Variants in CAMK2D observed in about 807,000 individuals in gnomAD.
CAMK2D encodes the protein calcium/calmodulin dependent protein kinase II delta.
CAMK2D carries 37 observed loss-of-function variants against 84.0 expected under a neutral mutation model. That is an observed-to-expected ratio of 0.44 (90% confidence interval 0.34 to 0.58). The LOEUF is 0.58. Among genes scored for constraint, CAMK2D ranks in the 20% least tolerant of loss-of-function variants. The pLI, the probability that CAMK2D is intolerant of heterozygous loss-of-function variation, is 0.02. For missense variants in CAMK2D, 448 were observed against 652.5 expected (o/e 0.69, Z 3.41); for synonymous variants, 202 against 212.5 (o/e 0.95, Z 0.43).
intron 2 of CAMK2D, among the ~76,000 whole-genome samples, chr4:113,742,851 A>G (rs2099596096): frequency 6.6e-6 from 1 of 152,194 alleles, no homozygotes; most frequent in South Asian, 2.1e-4. Flanking sequence ...CATAGCATGT[A>G]CTACCTATTT....
At chr4:113,548,671 G>A in intron 5 of CAMK2D, 1 of 1,560,204 alleles carries the variant, frequency 6.4e-7, no homozygotes, top group Non-Finnish European at 8.8e-7. Flanking sequence ...AGGTCCCTGT[G>A]AACTATGCCA....
chr4:113,641,827 G>C (rs2099133303), intron 3 of CAMK2D, among the ~76,000 whole-genome samples: 1 of 151,848 alleles, frequency 6.6e-6, no homozygotes, highest in Non-Finnish European at 1.5e-5. Flanking sequence ...GACCAACATG[G>C]AGAAACCCCG....
At chr4:113,503,096 C>G (rs748156462) in intron 14 of CAMK2D, 119 bp from the exon 15 acceptor site, 1 of 779,234 alleles carries the variant, frequency 1.3e-6, no homozygotes, top group Non-Finnish European at 2.3e-6. Context: ...AGAGCTAAAG[C>G]GATGTTAACT....
At chr4:113,666,822 T>C (rs140037344) in intron 2 of CAMK2D, among the ~76,000 whole-genome samples, 225 of 152,314 alleles carry the variant, frequency 1.5e-3, no homozygotes, top group African/African-American at 4.9e-3. Flanking sequence ...TTTACCTTGC[T>C]GGCCTTTCGG....
intron 13 of CAMK2D, 80 bp from the exon 14 acceptor site, chr4:113,505,115 T>G: frequency 1.4e-6 from 1 of 710,366 alleles, no homozygotes; most frequent in Non-Finnish European, 2.3e-6. Flanking sequence ...CATGTCTACA[T>G]AGAGATGTAG....
chr4:113,689,500 C>T (rs142120190), intron 2 of CAMK2D, among the ~76,000 whole-genome samples: 22 of 152,288 alleles, frequency 1.4e-4, no homozygotes, highest in East Asian at 1.2e-3. Context: ...GTCTCTCCAA[C>T]CTTATTTTAT....
rs544549361 is a variant in CAMK2D at position 113,587,513 on chromosome 4, G to A, written c.275+21639C>T. ...CGTAACACTCAAAAGGAAGAGCAGG[G>A]TCTTTATTCTTAATTATTTTTTGCT... On this transcript the variant is annotated intron_variant, in intron 4 of 20. Coordinates refer to ENST00000511664, the MANE Select transcript of CAMK2D (RefSeq NM_001321571.2). Among the ~76,000 whole-genome samples, 3 of 152,166 alleles carry A rather than the reference G, an allele frequency of 2.0e-5. No homozygotes were observed. The South Asian group carries it at 6.2e-4, about 32-fold the overall frequency.
In CAMK2D at chr4:113,531,314, T is replaced by G. The variant is rs772568362; in HGVS notation, c.518-15A>C. On this transcript the variant is annotated splice_polypyrimidine_tract_variant and intron_variant, in intron 7 of 20. Coordinates refer to ENST00000511664, the MANE Select transcript of CAMK2D (RefSeq NM_001321571.2). The stretch of plus-strand genomic sequence containing the variant: ...GCCAGCAAAACCTAGGGAAAAGAGA[T>G]GTTAATGAGTCACAGTTGATTTGAC... 5 of 1,333,094 alleles carry G rather than the reference T, an allele frequency of 3.8e-6. No homozygotes were observed. Among genetic ancestry groups the G allele is most frequent in the South Asian group, 3.5e-5 (3 of 85,350 alleles). 82.6% of individuals were successfully genotyped at this position (1,333,094 alleles called of 1,614,324 possible).
chr4:113,487,074 A>G (rs79982835), intron 16 of CAMK2D, among the ~76,000 whole-genome samples: 10,330 of 152,288 alleles, frequency 0.068, 615 homozygotes, highest in East Asian at 0.21. Context: ...CTTTATTTCT[A>G]CACAAGCTCT....
chr4:113,492,698 G>T (rs57503475), intron 16 of CAMK2D, among the ~76,000 whole-genome samples: 5,780 of 148,664 alleles, frequency 0.039, 357 homozygotes, highest in African/African-American at 0.14. Flanking sequence ...GGTTATCCTT[G>T]TTGACTTTCT....
intron 2 of CAMK2D, among the ~76,000 whole-genome samples, chr4:113,712,304 G>T (rs2099495848): frequency 1.3e-5 from 2 of 152,046 alleles, no homozygotes; most frequent in Admixed American, 6.6e-5. Context: ...GACTATGGTT[G>T]TTTACTGTTA....
chr4:113,665,727 G>A (rs1330237872), intron 2 of CAMK2D, among the ~76,000 whole-genome samples: 4 of 152,126 alleles, frequency 2.6e-5, no homozygotes, highest in Admixed American at 2.0e-4. Context: ...TTCCTTTGAA[G>A]CTCAAGTCCA....
At chr4:113,594,304 A>AT (rs2154253845) in intron 4 of CAMK2D, among the ~76,000 whole-genome samples, 1 of 152,304 alleles carries the variant, frequency 6.6e-6, no homozygotes, top group African/African-American at 2.4e-5. Flanking sequence ...TTACAATTCA[A>AT]CATGAGATCT....
At chr4:113,734,320 C>T (rs548349104) in intron 2 of CAMK2D, among the ~76,000 whole-genome samples, 1 of 151,978 alleles carries the variant, frequency 6.6e-6, no homozygotes, top group Non-Finnish European at 1.5e-5. Flanking sequence ...TGAAAAATCT[C>T]GTGATGATTT....
intron 2 of CAMK2D, among the ~76,000 whole-genome samples, chr4:113,725,935 G>A (rs1381926661): frequency 1.3e-5 from 2 of 152,138 alleles, no homozygotes; most frequent in Non-Finnish European, 2.9e-5. Context: ...TAACATTTGA[G>A]GAAAGTGGTG....
intron 3 of CAMK2D, among the ~76,000 whole-genome samples, chr4:113,610,456 C>G (rs973998647): frequency 6.6e-6 from 1 of 152,180 alleles, no homozygotes; most frequent in Non-Finnish European, 1.5e-5. Flanking sequence ...ATCACACAAA[C>G]TAAAATTATT....
chr4:113,730,596 A>G (rs1313102894), intron 2 of CAMK2D, among the ~76,000 whole-genome samples: 1 of 152,224 alleles, frequency 6.6e-6, no homozygotes, highest in Non-Finnish European at 1.5e-5. Context: ...CTACAAAGGA[A>G]CCAAAATCAT....
At chr4:113,519,134 C>T (rs1277363402) in intron 8 of CAMK2D, among the ~76,000 whole-genome samples, 1 of 152,028 alleles carries the variant, frequency 6.6e-6, no homozygotes, top group Non-Finnish European at 1.5e-5. Context: ...TAGTTTTAGC[C>T]CTCAGCTATA....
At chr4:113,635,082 A>T (rs2099104884) in intron 3 of CAMK2D, among the ~76,000 whole-genome samples, 1 of 152,256 alleles carries the variant, frequency 6.6e-6, no homozygotes, top group Admixed American at 6.5e-5. Context: ...ATATTTATAT[A>T]AAGATATAAT....
Sources: gnomAD v4.1 joint callset for allele counts (sites outside exome capture counted in the v4.1 genomes callset) on GRCh38, gnomAD v4.1.1 for gene constraint, MANE v1.5 for transcripts, NCBI Gene and HGNC (gene_info 2026-07-23, HGNC 2026-07-21) for gene names.